The following KMT5B variants were observed in gnomAD, a reference collection of about 807,000 sequenced individuals.
KMT5B encodes lysine methyltransferase 5B, also known as histone-lysine N-methyltransferase KMT5B.
Under a neutral mutation model 83.2 loss-of-function variants are expected in KMT5B, and 10 were observed. The ratio of observed to expected loss-of-function variants is 0.12; its 90% CI spans 0.07 to 0.20. KMT5B has a LOEUF of 0.20. KMT5B is among the 10% of genes least tolerant of loss of function. The pLI is 1.00. For missense variants in KMT5B, 753 were observed against 1,067.2 expected (o/e 0.71, Z 4.10); for synonymous variants, 349 against 388.8 (o/e 0.90, Z 1.20).
chr11:68,164,576 C>T, intron 10 of KMT5B: 2 of 470,076 alleles, frequency 4.3e-6, no homozygotes, highest in South Asian at 3.1e-5. Flanking sequence ...TCAGAGACAA[C>T]TAAAGCCTTG....
chr11:68,177,788 T>C (rs983896840), intron 4 of KMT5B, among the ~76,000 whole-genome samples: 1 of 152,196 alleles, frequency 6.6e-6, no homozygotes, highest in African/African-American at 2.4e-5. Flanking sequence ...TCTGTCGACA[T>C]ATGGTGTCAG....
At chr11:68,194,181 A>G (rs1858427305) in intron 1 of KMT5B, among the ~76,000 whole-genome samples, 1 of 151,102 alleles carries the variant, frequency 6.6e-6, no homozygotes, top group Non-Finnish European at 1.5e-5. Flanking sequence ...GAGAGCATCA[A>G]GTACCAAGTT....
At chr11:68,164,411 GTGCTGGCTTTCC>G (rs1181525933) in intron 10 of KMT5B, among the ~76,000 whole-genome samples, 2 of 152,354 alleles carry the variant, frequency 1.3e-5, no homozygotes, top group Non-Finnish European at 2.9e-5. Context: ...GGGACTGGCA[GTGCTGGCTTTCC>G]TGCAGGATGT....
chr11:68,186,094 T>C (rs1327880672), intron 2 of KMT5B, among the ~76,000 whole-genome samples, 166 bp from the exon 3 acceptor site: 1 of 152,176 alleles, frequency 6.6e-6, no homozygotes, highest in Non-Finnish European at 1.5e-5. Flanking sequence ...GAAAACCAAA[T>C]GCAGTAAACT....
intron 10 of KMT5B, chr11:68,166,076 CA>C: frequency 6.6e-7 from 1 of 1,525,458 alleles, no homozygotes; most frequent in Non-Finnish European, 8.8e-7. Context: ...TAAGTGCCAA[CA>C]AAGGCATACT....
chr11:68,201,975 G>A (rs1859497938), intron 1 of KMT5B, among the ~76,000 whole-genome samples: 1 of 151,704 alleles, frequency 6.6e-6, no homozygotes, highest in South Asian at 2.1e-4. Flanking sequence ...TGTAGTCCCA[G>A]GTACTCAGGA....
At chr11:68,184,666 A>T (rs919497169) in intron 3 of KMT5B, among the ~76,000 whole-genome samples, 1 of 152,222 alleles carries the variant, frequency 6.6e-6, no homozygotes, top group Non-Finnish European at 1.5e-5. Flanking sequence ...GATGGAGATG[A>T]AAGTGATGGG....
At position 68,175,027 on chromosome 11, in the gene KMT5B, G is replaced by A; in HGVS notation, c.534C>T (p.Phe178=). ...GTCTTAATAAACTTACATGTTCTTT[G>A]AATAATTTCTCCTGCATTTTATTCT... ...LNKNKMQEKL[F]KEHVFIYLRM... The change falls in exon 5 of 11, where the codon TTC becomes TTT. Residue 178 remains phenylalanine, a synonymous_variant. Coordinates refer to ENST00000304363, the MANE Select transcript of KMT5B (RefSeq NM_017635.5). The A allele has an allele frequency of 6.2e-7, 1 of 1,613,364 alleles. No homozygotes were observed. Among genetic ancestry groups the A allele is most frequent in the South Asian group, 1.1e-5 (1 of 90,996 alleles).
rs189739924 is a variant in KMT5B, at chr11:68,210,431, G to A, written c.-77+2707C>T. On this transcript the variant is annotated intron_variant, in intron 1 of 10. Transcript: ENST00000304363. ...GGAGAAAATAGGATGGCAGTGAAGT[G>A]TAAAAGATGAAGCATTAATACAATT... is the stretch of plus-strand genomic sequence containing the variant. Among the ~76,000 whole-genome samples, 365 of 152,346 alleles carry A rather than the reference G, an allele frequency of 2.4e-3. 2 individuals are homozygous for A. The highest frequency in any genetic ancestry group is 4.8e-3 in the Admixed American group (74 of 15,304).
rs1037488261 is a variant in KMT5B at position 68,213,278 on chromosome 11, G to A, written c.-217C>T. 1.1e-4 allele frequency: 16 copies of A among 147,490 alleles called. No homozygotes were observed. The highest frequency in any genetic ancestry group is 7.9e-4 in the East Asian group (4 of 5,070). The allele number at this position is 147,490 out of a possible 1,614,324, so 9.1% of individuals were successfully genotyped here. On this transcript the variant is annotated 5_prime_UTR_variant, in exon 1 of 11. Coordinates refer to ENST00000304363, the MANE Select transcript of KMT5B (RefSeq NM_017635.5). ...ACCAAAAATAATTCCAGAGAAAAAT[G>A]GAGAGTAAAATCCAAGATGGCGGCG...
At chr11:68,177,364 T>A (rs557439146) in intron 4 of KMT5B, among the ~76,000 whole-genome samples, 1 of 152,148 alleles carries the variant, frequency 6.6e-6, no homozygotes, top group East Asian at 1.9e-4. Context: ...GAAGGAAGAA[T>A]GAGGGGAAGT....
At chr11:68,213,498 C>T (rs1861269773), upstream of KMT5B, 1 of 150,732 alleles carries the variant, frequency 6.6e-6, no homozygotes, top group African/African-American at 2.4e-5. Flanking sequence ...CACGGCCGCC[C>T]GTACGAAAAC....
At chr11:68,207,724 G>A (rs1002244972) in intron 1 of KMT5B, among the ~76,000 whole-genome samples, 91 of 149,306 alleles carry the variant, frequency 6.1e-4, no homozygotes, top group African/African-American at 2.2e-3. Flanking sequence ...CCAGGAGGCA[G>A]AGGTTGTGGT....
At chr11:68,212,370 G>C (rs1402455038) in intron 1 of KMT5B, among the ~76,000 whole-genome samples, 5 of 152,124 alleles carry the variant, frequency 3.3e-5, no homozygotes, top group Non-Finnish European at 5.9e-5. Context: ...TAACTTCAAA[G>C]AACACATGTT....
intron 1 of KMT5B, among the ~76,000 whole-genome samples, chr11:68,207,036 A>AAT (rs1860206552): frequency 1.4e-5 from 2 of 143,770 alleles, no homozygotes; most frequent in East Asian, 2.0e-4. Context: ...AGGTCAGGAG[A>AAT]TCGAGACCAT....
At chr11:68,172,407 T>C (rs192477079) in intron 6 of KMT5B, among the ~76,000 whole-genome samples, 1 of 151,804 alleles carries the variant, frequency 6.6e-6, no homozygotes, top group Admixed American at 6.6e-5. Context: ...TTTTTTTTTT[T>C]TGTATTTTTA....
At chr11:68,163,243 A>G (rs1855011860) in intron 10 of KMT5B, among the ~76,000 whole-genome samples, 1 of 152,190 alleles carries the variant, frequency 6.6e-6, no homozygotes, top group Non-Finnish European at 1.5e-5. Context: ...GTGCTGTGCA[A>G]AATGGCCACA....
intron 9 of KMT5B, among the ~76,000 whole-genome samples, chr11:68,169,676 C>T (rs150955935): frequency 1.4e-3 from 216 of 152,346 alleles, no homozygotes; most frequent in African/African-American, 5.0e-3. Context: ...ACTTACCCTA[C>T]ACATCACATA....
chr11:68,157,933 G>A lies in KMT5B; in HGVS notation c.2413C>T (p.Pro805Ser), dbSNP rs2153039971. ...LHENGVCCSD[P>S]LSLLESRMEV... ...ATTCGAGACTCCAAGAGAGAAAGAG[G>A]ATCACTGCAGCACACCCCATTTTCA... Residue 805 changes from proline to serine, a missense_variant, in exon 11 of 11, where the codon CCT becomes TCT. This residue lies in a region of KMT5B where 161 missense variants were observed against 195.1 expected (regional missense o/e 0.83). Coordinates refer to ENST00000304363, the MANE Select transcript of KMT5B (RefSeq NM_017635.5). The A allele has an allele frequency of 6.2e-7, 1 of 1,614,068 alleles. No individual in the cohort carries two copies. Among genetic ancestry groups the A allele is most frequent in the South Asian group, 1.1e-5 (1 of 91,074 alleles).
Sources: gnomAD v4.1 joint callset for allele counts (sites outside exome capture counted in the v4.1 genomes callset) on GRCh38, gnomAD v4.1.1 for gene constraint, gnomAD v4.1.1 regional missense constraint, MANE v1.5 for transcripts, NCBI Gene and HGNC (gene_info 2026-07-23, HGNC 2026-07-21) for gene names.